The following GPM6A variants were observed in gnomAD, a reference collection of about 807,000 sequenced individuals.
The protein encoded by GPM6A is glycoprotein M6A, also known as neuronal membrane glycoprotein M6-a.
GPM6A carries 7 observed loss-of-function variants against 32.1 expected under a neutral mutation model. The ratio of observed to expected loss-of-function variants is 0.22; its 90% CI spans 0.12 to 0.41. The LOEUF is 0.41. Among genes scored for constraint, GPM6A ranks in the 10% least tolerant of loss-of-function variants. GPM6A has a pLI of 1.00. For synonymous variants in GPM6A, 130 were observed against 123.4 expected, an observed-to-expected ratio of 1.05 and a Z score of -0.35; for missense variants, 235 against 347.2, an observed-to-expected ratio of 0.68 and a Z score of 2.57.
chr4:175,940,461 G>C (rs1387829842), intron 1 of GPM6A, among the ~76,000 whole-genome samples: 1 of 152,020 alleles, frequency 6.6e-6, no homozygotes, highest in Non-Finnish European at 1.5e-5. Flanking sequence ...AAAATGCAAA[G>C]AAAAGTTTAA....
chr4:175,810,160 G>C (rs978250028), intron 1 of GPM6A, among the ~76,000 whole-genome samples: 1 of 152,038 alleles, frequency 6.6e-6, no homozygotes, highest in African/African-American at 2.4e-5. Flanking sequence ...TTGTCAAATT[G>C]CTCCTCCAGT....
intron 2 of GPM6A, among the ~76,000 whole-genome samples, chr4:175,677,764 T>C (rs1422877309): frequency 6.6e-6 from 1 of 152,044 alleles, no homozygotes; most frequent in Non-Finnish European, 1.5e-5. Flanking sequence ...AAATAAATAT[T>C]TTAGAAAAGA....
intron 1 of GPM6A, among the ~76,000 whole-genome samples, chr4:175,826,696 A>C (rs1319203932): frequency 6.6e-6 from 1 of 152,146 alleles, no homozygotes; most frequent in East Asian, 1.9e-4. Context: ...AACAAAAACA[A>C]GTTTCTCATG....
At position 175,637,186 on chromosome 4, in the gene GPM6A, T is replaced by G. The variant is rs867848602; in HGVS notation, c.685-2129A>C. On this transcript the variant is annotated intron_variant, in intron 6 of 6. Coordinates refer to ENST00000393658, the MANE Select transcript of GPM6A (RefSeq NM_201591.3). The stretch of plus-strand genomic sequence containing the variant: ...TATAATATATCATATATGTGACATA[T>G]ATCATATATTATATGTGACATAATA... 4.4e-3 allele frequency among the ~76,000 whole-genome samples: 469 copies of G among 107,728 alleles called. 5 individuals carry two copies. The highest frequency in any genetic ancestry group is 0.016 in the African/African-American group (426 of 27,216). The allele number at this position is 107,728 out of a possible 152,430, so 70.7% of individuals were successfully genotyped here. A position where few individuals can be genotyped will look rare whatever the true frequency, so the allele number is the denominator to read the frequency against.
intron 1 of GPM6A, among the ~76,000 whole-genome samples, chr4:175,839,956 G>T (rs1735886185): frequency 6.6e-6 from 1 of 152,144 alleles, no homozygotes; most frequent in Non-Finnish European, 1.5e-5. Flanking sequence ...AATTCCTGAA[G>T]CGAGAGAGAC....
At chr4:175,666,072 C>G (rs1203129664) in intron 3 of GPM6A, among the ~76,000 whole-genome samples, 1 of 151,710 alleles carries the variant, frequency 6.6e-6, no homozygotes, top group Non-Finnish European at 1.5e-5. Flanking sequence ...GTGCCCACCA[C>G]CACGCCTGGC....
intron 1 of GPM6A, among the ~76,000 whole-genome samples, chr4:175,898,166 C>T (rs1285958307): frequency 2.0e-5 from 3 of 152,254 alleles, no homozygotes; most frequent in South Asian, 2.1e-4. Flanking sequence ...CATACCAATC[C>T]TGTCTTCTTT....
chr4:175,846,614 T>G lies in GPM6A; in HGVS notation c.-22-34365A>C, dbSNP rs1000144345. On this transcript the variant is annotated intron_variant, in intron 1 of 7. Coordinates refer to the GPM6A transcript ENST00000280187. ...AAATTTGGTTACATCTGTATAACTT[T>G]TAATATGTGGAAAAATATTATTTTT... is the stretch of plus-strand genomic sequence containing the variant. Among the ~76,000 whole-genome samples the G allele has an allele frequency of 2.0e-5, 3 of 152,234 alleles. No homozygotes were observed. The South Asian group carries it at 6.2e-4, about 32-fold the overall frequency.
intron 1 of GPM6A, among the ~76,000 whole-genome samples, chr4:175,803,308 C>T (rs936718461): frequency 5.3e-5 from 8 of 152,080 alleles, no homozygotes; most frequent in African/African-American, 1.9e-4. Context: ...AATGGAGCTA[C>T]AGCATAACAC....
chr4:175,768,322 A>T (rs370202914), intron 1 of GPM6A, among the ~76,000 whole-genome samples: 1 of 152,158 alleles, frequency 6.6e-6, no homozygotes, highest in East Asian at 1.9e-4. Flanking sequence ...TAAGAAGGAA[A>T]TATATCAGTT....
At chr4:175,728,389 G>A (rs1342178043) in intron 1 of GPM6A, among the ~76,000 whole-genome samples, 1 of 152,040 alleles carries the variant, frequency 6.6e-6, no homozygotes, top group Non-Finnish European at 1.5e-5. Flanking sequence ...ATGTTATTTT[G>A]AAAAGAACAT....
At chr4:175,777,639 T>C (rs1733448481) in intron 1 of GPM6A, among the ~76,000 whole-genome samples, 1 of 152,078 alleles carries the variant, frequency 6.6e-6, no homozygotes, top group South Asian at 2.1e-4. Context: ...ATGCAGTTGA[T>C]TTTTAACTAG....
At chr4:175,656,167 C>T (rs766678817) in intron 3 of GPM6A, among the ~76,000 whole-genome samples, 19 of 151,894 alleles carry the variant, frequency 1.3e-4, no homozygotes, top group Non-Finnish European at 2.2e-4. Flanking sequence ...ATCCTCTTGA[C>T]CCACAAAAAA....
At chr4:175,661,881 C>T (rs1027491188) in intron 3 of GPM6A, among the ~76,000 whole-genome samples, 7 of 151,794 alleles carry the variant, frequency 4.6e-5, no homozygotes, top group Non-Finnish European at 7.4e-5. Flanking sequence ...ATATCATATA[C>T]GTGTGTCAAT....
rs1560998913 is a variant in GPM6A at position 175,930,434 on chromosome 4, GTTTTTTT to G, written c.-23+71868_-23+71874del. Among the ~76,000 whole-genome samples the G allele has an allele frequency of 5.4e-3, 572 of 106,694 alleles. 2 individuals are homozygous for G. Among genetic ancestry groups the G allele is most frequent in the African/African-American group, 0.013 (517 of 38,398 alleles). 70.0% of individuals were successfully genotyped at this position (106,694 alleles called of 152,430 possible). A position where few individuals can be genotyped will look rare whatever the true frequency, so the allele number is the denominator to read the frequency against. ...CTTTTCATCTGTTTTTTGGGGGGGG[GTTTTTTT>G]GTTGTTGTTTTTTTTAAGTTTCAAC... is the stretch of plus-strand genomic sequence containing the variant. On this transcript the variant is annotated intron_variant, in intron 1 of 7. Coordinates refer to the GPM6A transcript ENST00000280187.
At chr4:175,799,726 C>G (rs1180766011) in intron 1 of GPM6A, among the ~76,000 whole-genome samples, 2 of 133,912 alleles carry the variant, frequency 1.5e-5, no homozygotes, top group East Asian at 4.4e-4. Context: ...GGACTGCGGA[C>G]TGCAGTGGCG....
intron 3 of GPM6A, among the ~76,000 whole-genome samples, chr4:175,663,479 A>G (rs572511505): frequency 1.7e-4 from 26 of 152,206 alleles, no homozygotes; most frequent in Non-Finnish European, 3.1e-4. Flanking sequence ...GCTATAGTTA[A>G]TAACAGTGTG....
intron 1 of GPM6A, among the ~76,000 whole-genome samples, chr4:175,713,112 G>A (rs1486106110): frequency 1.3e-5 from 2 of 152,144 alleles, no homozygotes; most frequent in Non-Finnish European, 2.9e-5. Flanking sequence ...TTGGGCTTCT[G>A]AGGAAGGCTT....
In GPM6A at chr4:175,844,284, C is replaced by T. The variant is rs116515549; in HGVS notation, c.-22-32035G>A. Among the ~76,000 whole-genome samples the T allele has an allele frequency of 4.9e-3, 741 of 152,186 alleles. 7 individuals are homozygous for T. Among genetic ancestry groups the T allele is most frequent in the African/African-American group, 0.017 (711 of 41,520 alleles). Reference sequence around the variant, plus strand: ...TATGTTCCTTTTTCTGAACAAAACCCTCACCTCAAACACAGATGTCATGAG... The same window carrying T: ...TATGTTCCTTTTTCTGAACAAAACCTTCACCTCAAACACAGATGTCATGAG... On this transcript the variant is annotated intron_variant, in intron 1 of 7. Coordinates refer to the GPM6A transcript ENST00000280187.
Sources: allele counts gnomAD v4.1 joint callset (sites outside exome capture counted in the v4.1 genomes callset), GRCh38; gene constraint gnomAD v4.1.1; transcripts MANE v1.5; gene names NCBI Gene and HGNC (gene_info 2026-07-23, HGNC 2026-07-21).